The following UHMK1 variants were observed in gnomAD, a reference collection of about 807,000 sequenced individuals.
UHMK1 encodes the protein serine/threonine-protein kinase Kist.
In UHMK1, 18 loss-of-function variants were observed where a neutral mutation model predicts 44.0. The observed-to-expected ratio is 0.41, with a 90% CI of 0.28 to 0.61. The LOEUF is 0.61. Ranked by LOEUF, UHMK1 falls within the 20% of genes least tolerant of loss-of-function variation. The pLI is 0.31. For synonymous variants in UHMK1, 231 were observed against 198.5 expected (o/e 1.16, Z -1.38); for missense variants, 463 against 522.5 (o/e 0.89, Z 1.11).
At position 162,500,062 on chromosome 1, in the gene UHMK1, A is replaced by G. The variant is rs1651210742; in HGVS notation, c.376A>G (p.Ser126Gly). The change falls in exon 2 of 8, where the codon AGT (serine) becomes GGT (glycine). Residue 126 changes from serine (S) to glycine (G), a missense_variant. Ser to Gly is a moderately conservative substitution (Grantham distance 56, BLOSUM62 0). Coordinates refer to ENST00000489294, the MANE Select transcript of UHMK1 (RefSeq NM_175866.5). Reference protein sequence around the residue: ...VSVSELLLYSSHQGCSMWMIQ... With the variant: ...VSVSELLLYSGHQGCSMWMIQ... ...TGTTTCGGAATTGCTCTTATATTCC[A>G]GTCACCAGGGTTGTTCCATGTGGAT... 4 of 1,614,106 alleles carry G rather than the reference A, an allele frequency of 2.5e-6. No individual in the cohort carries two copies. Among genetic ancestry groups the G allele is most frequent in the Non-Finnish European group, 2.5e-6 (3 of 1,180,052 alleles).
chr1:162,497,193 A>C, upstream of UHMK1: 1 of 681,592 alleles, frequency 1.5e-6, no homozygotes. Flanking sequence ...TGGAGACCAA[A>C]GTTTTGTCAT....
chr1:162,515,526 G>C (rs1651804055), intron 6 of UHMK1, among the ~76,000 whole-genome samples: 2 of 151,970 alleles, frequency 1.3e-5, no homozygotes, highest in South Asian at 4.1e-4. Context: ...ATTTCTTTGA[G>C]TCTGTGACCA....
chr1:162,501,409 G>C (rs1402225042), intron 3 of UHMK1, among the ~76,000 whole-genome samples: 1 of 152,086 alleles, frequency 6.6e-6, no homozygotes, highest in African/African-American at 2.4e-5. Flanking sequence ...ACCTCATGAT[G>C]CACCCGCCTG....
rs951883316 is a variant in UHMK1 at position 162,529,063 on chromosome 1, C to T, written c.*6513C>T. On this transcript the variant is annotated 3_prime_UTR_variant, in exon 8 of 8. Coordinates refer to ENST00000489294, the MANE Select transcript of UHMK1 (RefSeq NM_175866.5). ...AAAAAAATGTGAAAGATCACTTAAA[C>T]CAAAGCCAGTTACAAGGAGTAATCT... 1 of 152,094 alleles carries T rather than the reference C, an allele frequency of 6.6e-6. No homozygotes were observed. Among genetic ancestry groups the T allele is most frequent in the Non-Finnish European group, 1.5e-5 (1 of 67,970 alleles). The allele number at this position is 152,094 out of a possible 1,614,324, so 9.4% of individuals were successfully genotyped here.
intron 6 of UHMK1, among the ~76,000 whole-genome samples, chr1:162,513,376 T>C (rs1392852922): frequency 6.6e-6 from 1 of 152,234 alleles, no homozygotes; most frequent in Non-Finnish European, 1.5e-5. Flanking sequence ...TGCTTGCATT[T>C]CTCCATTTTA....
At chr1:162,504,286 TATCTG>T (rs1651386352) in intron 4 of UHMK1, among the ~76,000 whole-genome samples, 1 of 152,246 alleles carries the variant, frequency 6.6e-6, no homozygotes, top group Non-Finnish European at 1.5e-5. Context: ...GTTTTTCTGA[TATCTG>T]AATAGATCCG....
rs78472921 is a variant in UHMK1 at position 162,519,315 on chromosome 1, T to A, written c.1113+1125T>A. Among the ~76,000 whole-genome samples the A allele has an allele frequency of 4.7e-4, 68 of 145,864 alleles. 2 individuals are homozygous for A. In the South Asian group the frequency reaches 0.011, roughly 23 times the overall value. ...TGGGTGACAGAGCGAGACTCCATCT[T>A]AAAAAAAAAAAAAACAGTAACACCA... On this transcript the variant is annotated intron_variant, in intron 7 of 7. Transcript: ENST00000489294.
chr1:162,497,791 T>C, upstream of UHMK1: 1 of 1,334,666 alleles, frequency 7.5e-7, no homozygotes, highest in Non-Finnish European at 9.6e-7. Context: ...GCCTGTATGA[T>C]AGGCTCTTCC....
rs1652207645 is a variant in UHMK1 at position 162,525,280 on chromosome 1, A to G, written c.*2730A>G. On this transcript the variant is annotated 3_prime_UTR_variant, in exon 8 of 8. Coordinates refer to ENST00000489294, the MANE Select transcript of UHMK1 (RefSeq NM_175866.5). ...GGATTTTGGTTTATTGAAGTTATTG[A>G]AAGACCTAGAAATTTTCTTTTTGAG... is the stretch of plus-strand genomic sequence containing the variant. 6.6e-6 allele frequency: 1 copy of G among 152,202 alleles called. No homozygotes were observed. Among genetic ancestry groups the G allele is most frequent in the Admixed American group, 6.5e-5 (1 of 15,278 alleles). The allele number at this position is 152,202 out of a possible 1,614,324, so 9.4% of individuals were successfully genotyped here.
Position 162,500,113 on chromosome 1 carries a change from T to C in UHMK1, c.427T>C (p.Leu143=). 2 of 1,614,214 alleles carry C rather than the reference T, an allele frequency of 1.2e-6. No individual in the cohort carries two copies. Among genetic ancestry groups the C allele is most frequent in the Non-Finnish European group, 1.7e-6 (2 of 1,180,044 alleles). ...WMIQHCARDV[L]EALAFLHHEG... The stretch of plus-strand genomic sequence containing the variant: ...GATACAGCATTGTGCCCGAGATGTT[T>C]TGGAGGCCCTTGCTTTTCTTCATCA... The change falls in exon 2 of 8, where the codon TTG becomes CTG. Residue 143 remains leucine, a synonymous_variant. Transcript: ENST00000489294.
At position 162,512,744 on chromosome 1, in the gene UHMK1, G is replaced by T. The variant is rs751972583; in HGVS notation, c.945G>T (p.Leu315=). The change falls in exon 6 of 8, where the codon CTG becomes CTT. Residue 315 remains leucine (L), a synonymous_variant. Transcript: ENST00000489294. ...SIPFAPHIED[L]VMLPTPVLRL... ...TAACAGCCCCTCATATTGAAGATCT[G>T]GTCATGCTTCCCACTCCAGTGCTAA... 47 of 1,613,902 alleles carry T rather than the reference G, an allele frequency of 2.9e-5. No individual in the cohort carries two copies. The highest frequency in any genetic ancestry group is 3.9e-5 in the Non-Finnish European group (46 of 1,179,970).
chr1:162,497,349 A>G (rs1435495297), upstream of UHMK1: 7 of 697,444 alleles, frequency 1.0e-5, no homozygotes, highest in Non-Finnish European at 1.6e-5. Context: ...CCAGAATTTT[A>G]GAGTGCCCTG....
chr1:162,502,003 T>C (rs1422201135), intron 3 of UHMK1, among the ~76,000 whole-genome samples: 1 of 151,994 alleles, frequency 6.6e-6, no homozygotes, highest in Non-Finnish European at 1.5e-5. Context: ...TTCCAAAACA[T>C]TGTATTTATT....
chr1:162,499,034 G>T (rs980551776), intron 1 of UHMK1, among the ~76,000 whole-genome samples: 1 of 152,074 alleles, frequency 6.6e-6, no homozygotes, highest in Non-Finnish European at 1.5e-5. Context: ...TTACTAAATG[G>T]TCTGTTACTA....
Position 162,522,413 on chromosome 1 carries a change from G to T in UHMK1, c.1123G>T (p.Glu375Ter). 1 of 1,614,048 alleles carries T rather than the reference G, an allele frequency of 6.2e-7. No individual in the cohort carries two copies. Among genetic ancestry groups the T allele is most frequent in the Non-Finnish European group, 8.5e-7 (1 of 1,179,994 alleles). Residue 375 changes from glutamate to a stop codon, truncating the protein, a stop_gained, in exon 8 of 8, where the codon GAG becomes TAG. Coordinates refer to ENST00000489294, the MANE Select transcript of UHMK1 (RefSeq NM_175866.5). LOFTEE classifies it high-confidence loss of function. ...CTCTGTCTTCTTTCAGGTCTTTGTT[G>T]AGTATGCAAATGCTGGTGATTCCAA... is the stretch of plus-strand genomic sequence containing the variant. ...ENPGRGQVFV[E>*]YANAGDSKAA...
intron 6 of UHMK1, among the ~76,000 whole-genome samples, chr1:162,516,161 T>C (rs1161591631): frequency 1.3e-5 from 2 of 152,226 alleles, no homozygotes; most frequent in Non-Finnish European, 2.9e-5. Flanking sequence ...GTCTTTAAAT[T>C]TTGTTTAAAT....
chr1:162,515,607 C>T (rs1437869847), intron 6 of UHMK1, among the ~76,000 whole-genome samples: 1 of 152,120 alleles, frequency 6.6e-6, no homozygotes, highest in Non-Finnish European at 1.5e-5. Flanking sequence ...TTTCAGGTTA[C>T]GAAGGTACAA....
intron 1 of UHMK1, 69 bp downstream of exon 1, chr1:162,498,337 CT>C (rs1267134485): frequency 4.5e-5 from 67 of 1,502,298 alleles, no homozygotes; most frequent in Non-Finnish European, 5.9e-5. Context: ...CTCTCGCTGT[CT>C]GGCGTTCCAT....
chr1:162,518,240 C>A, intron 7 of UHMK1, 50 bp downstream of exon 7: 1 of 1,393,732 alleles, frequency 7.2e-7, no homozygotes, highest in Non-Finnish European at 1.0e-6. Context: ...TATTAAAATT[C>A]TGTGTTAAAT....
Sources: allele counts gnomAD v4.1 joint callset (sites outside exome capture counted in the v4.1 genomes callset), GRCh38; gene constraint gnomAD v4.1.1; transcripts MANE v1.5; gene names NCBI Gene and HGNC (gene_info 2026-07-23, HGNC 2026-07-21).